Variants in CPQ observed in about 807,000 individuals in gnomAD.
CPQ encodes the protein carboxypeptidase Q, also known as Ser-Met dipeptidase.
In CPQ, 37 loss-of-function variants were observed where a neutral mutation model predicts 45.7. The observed-to-expected ratio is 0.81, with a 90% confidence interval of 0.62 to 1.07. The LOEUF is 1.07. Ranked by LOEUF, CPQ falls within the 50% of genes least tolerant of loss-of-function variation. The pLI, the probability that CPQ is intolerant of heterozygous loss-of-function variation, is 0.00. For missense variants in CPQ, 537 were observed against 572.9 expected (o/e 0.94, Z 0.64); for synonymous variants, 186 against 205.8 (o/e 0.90, Z 0.82).
chr8:96,941,351 T>G (rs903772379), intron 4 of CPQ, among the ~76,000 whole-genome samples: 11 of 152,184 alleles, frequency 7.2e-5, no homozygotes, highest in Non-Finnish European at 1.5e-4. Context: ...GTAAACTTTA[T>G]TTGCATGCCA....
At chr8:96,798,907 A>T (rs1810969732) in intron 2 of CPQ, among the ~76,000 whole-genome samples, 1 of 152,078 alleles carries the variant, frequency 6.6e-6, no homozygotes, top group South Asian at 2.1e-4. Context: ...CTCCTGTAGC[A>T]CTAGGCCCAG....
At chr8:97,022,372 A>C (rs1421589061) in intron 5 of CPQ, among the ~76,000 whole-genome samples, 1 of 152,238 alleles carries the variant, frequency 6.6e-6, no homozygotes, top group East Asian at 1.9e-4. Context: ...ATAAAAACAA[A>C]GATAAATACT....
At chr8:97,079,140 A>G (rs1810905531) in intron 7 of CPQ, among the ~76,000 whole-genome samples, 1 of 151,990 alleles carries the variant, frequency 6.6e-6, no homozygotes, top group Non-Finnish European at 1.5e-5. Flanking sequence ...TCCACTATTG[A>G]TTTCTAAAAT....
At chr8:97,038,731 G>T (rs945625869) in intron 6 of CPQ, among the ~76,000 whole-genome samples, 1 of 148,282 alleles carries the variant, frequency 6.7e-6, no homozygotes, top group Admixed American at 6.8e-5. Context: ...TAGGACTGCA[G>T]GTCATATGGT....
At chr8:96,954,118 C>T (rs1241115870) in intron 4 of CPQ, among the ~76,000 whole-genome samples, 1 of 152,018 alleles carries the variant, frequency 6.6e-6, no homozygotes, top group East Asian at 1.9e-4. Context: ...CTTGTATTTC[C>T]TTTAATCTTG....
At chr8:96,814,961 G>A (rs561911669) in intron 2 of CPQ, among the ~76,000 whole-genome samples, 57 of 152,098 alleles carry the variant, frequency 3.7e-4, no homozygotes, top group Non-Finnish European at 7.5e-4. Context: ...CAAAGACATG[G>A]AAATAGAAAG....
At chr8:96,757,948 G>T (rs1345289498) in intron 1 of CPQ, among the ~76,000 whole-genome samples, 2 of 152,014 alleles carry the variant, frequency 1.3e-5, no homozygotes, top group Non-Finnish European at 2.9e-5. Flanking sequence ...CACACATTTT[G>T]CCCAGATTTA....
chr8:97,021,947 T>A (rs545219461), intron 5 of CPQ, among the ~76,000 whole-genome samples: 1 of 152,130 alleles, frequency 6.6e-6, no homozygotes, highest in Admixed American at 6.5e-5. Context: ...GCAAGAAGAA[T>A]AAATCTGGAG....
At chr8:96,679,756 A>G (rs773677462) in intron 1 of CPQ, among the ~76,000 whole-genome samples, 2 of 149,662 alleles carry the variant, frequency 1.3e-5, no homozygotes, top group Admixed American at 6.6e-5. Flanking sequence ...TACCAGTTGC[A>G]ATGTCTCCTT....
At chr8:96,885,664 A>T (rs934348528) in intron 4 of CPQ, among the ~76,000 whole-genome samples, 9 of 152,214 alleles carry the variant, frequency 5.9e-5, no homozygotes, top group African/African-American at 2.2e-4. Flanking sequence ...TGCATAATTC[A>T]TCCATAAGCC....
intron 1 of CPQ, among the ~76,000 whole-genome samples, chr8:96,747,510 C>T (rs1810203925): frequency 6.6e-6 from 1 of 152,090 alleles, no homozygotes; most frequent in Non-Finnish European, 1.5e-5. Flanking sequence ...CCATGTGACT[C>T]TATAGATTGG....
chr8:96,801,421 C>G (rs1811006688), intron 2 of CPQ, among the ~76,000 whole-genome samples: 1 of 152,176 alleles, frequency 6.6e-6, no homozygotes. Flanking sequence ...CCTTTTCACT[C>G]ACTATTTTAT....
At chr8:97,027,494 G>A (rs1205683937) in intron 5 of CPQ, among the ~76,000 whole-genome samples, 2 of 152,090 alleles carry the variant, frequency 1.3e-5, no homozygotes, top group Non-Finnish European at 2.9e-5. Context: ...AAGGATTATG[G>A]CATAGGCACA....
At chr8:96,820,145 T>C (rs1811281521) in intron 2 of CPQ, among the ~76,000 whole-genome samples, 1 of 152,102 alleles carries the variant, frequency 6.6e-6, no homozygotes, top group African/African-American at 2.4e-5. Context: ...ACTGCAAGCT[T>C]CATTTTCAAC....
chr8:96,757,164 A>G (rs1327433791), intron 1 of CPQ, among the ~76,000 whole-genome samples: 1 of 152,058 alleles, frequency 6.6e-6, no homozygotes, highest in African/African-American at 2.4e-5. Flanking sequence ...ACTGGCCACC[A>G]TGGTGAAACC....
At chr8:96,862,679 A>G (rs1240413274) in intron 3 of CPQ, among the ~76,000 whole-genome samples, 1 of 152,028 alleles carries the variant, frequency 6.6e-6, no homozygotes, top group African/African-American at 2.4e-5. Context: ...AGACACCTAC[A>G]TATCTGTTCT....
chr8:96,871,966 A>C (rs181631711), intron 3 of CPQ, among the ~76,000 whole-genome samples: 38 of 152,076 alleles, frequency 2.5e-4, no homozygotes, highest in Admixed American at 2.3e-3. Flanking sequence ...CAAAATAACC[A>C]AAACAAAATC....
chr8:96,836,331 G>T (rs1811530397), intron 3 of CPQ, among the ~76,000 whole-genome samples: 1 of 152,130 alleles, frequency 6.6e-6, no homozygotes, highest in South Asian at 2.1e-4. Flanking sequence ...GTACAAAAGT[G>T]CAGGGAAAAG....
chr8:96,832,360 A>G (rs764005653), intron 2 of CPQ, among the ~76,000 whole-genome samples: 38 of 152,178 alleles, frequency 2.5e-4, no homozygotes, highest in Non-Finnish European at 4.1e-4. Flanking sequence ...CTTTAAAGGT[A>G]AAACTGAACA....
Sources: gnomAD v4.1 joint callset for allele counts (sites outside exome capture counted in the v4.1 genomes callset) on GRCh38, gnomAD v4.1.1 for gene constraint, MANE v1.5 for transcripts, NCBI Gene and HGNC (gene_info 2026-07-23, HGNC 2026-07-21) for gene names.